The following RPGRIP1 variants were observed in gnomAD, a reference collection of about 807,000 sequenced individuals.
The protein encoded by RPGRIP1 is RPGR interacting protein 1, also known as X-linked retinitis pigmentosa GTPase regulator-interacting protein 1.
A neutral mutation model predicts 157.9 loss-of-function variants in RPGRIP1; 128 were observed. That is an observed-to-expected ratio of 0.81 (90% confidence interval 0.70 to 0.94). The LOEUF is 0.94. Among genes scored for constraint, RPGRIP1 ranks in the 40% least tolerant of loss-of-function variants. The probability of loss-of-function intolerance (pLI) is 0.00; values close to 1 mark genes in which losing one functional copy is unlikely to be tolerated. For synonymous variants in RPGRIP1, 554 were observed against 571.6 expected (o/e 0.97, Z 0.44); for missense variants, 1,486 against 1,545.8 (o/e 0.96, Z 0.65).
At chr14:21,338,870 G>A (rs1884678324) in intron 21 of RPGRIP1, among the ~76,000 whole-genome samples, 1 of 152,240 alleles carries the variant, frequency 6.6e-6, no homozygotes, top group Admixed American at 6.5e-5. Context: ...TGGGTGTGGT[G>A]GCTCACGCCT....
At chr14:21,284,549 T>TTA (rs1466509113) in intron 1 of RPGRIP1, among the ~76,000 whole-genome samples, 1 of 150,220 alleles carries the variant, frequency 6.7e-6, no homozygotes, top group Non-Finnish European at 1.5e-5. Context: ...AATTTTTTTT[T>TTA]TTTTTTTTTT....
chr14:21,300,850 T>C (rs1880994314), intron 3 of RPGRIP1, 116 bp from the exon 4 acceptor site: 2 of 1,208,540 alleles, frequency 1.7e-6, no homozygotes, highest in East Asian at 4.7e-5. Context: ...GTGTGGTTAA[T>C]AGATCACGGT....
At chr14:21,298,394 G>A (rs1240079183) in intron 3 of RPGRIP1, among the ~76,000 whole-genome samples, 1 of 151,972 alleles carries the variant, frequency 6.6e-6, no homozygotes, top group East Asian at 1.9e-4. Context: ...CAGCTACTCA[G>A]GAGGCTGAGG....
intron 10 of RPGRIP1, chr14:21,317,391 C>A: frequency 1.8e-6 from 1 of 562,272 alleles, no homozygotes; most frequent in Non-Finnish European, 3.1e-6. Flanking sequence ...GGTCTTGATA[C>A]ATAGTTCCCT....
At chr14:21,316,289 T>C (rs899584125) in intron 10 of RPGRIP1, among the ~76,000 whole-genome samples, 1 of 151,954 alleles carries the variant, frequency 6.6e-6, no homozygotes, top group Non-Finnish European at 1.5e-5. Flanking sequence ...TTTTTGTATT[T>C]TTAATGGAGA....
chr14:21,308,668 A>G (rs2139170353), intron 7 of RPGRIP1, among the ~76,000 whole-genome samples: 1 of 152,324 alleles, frequency 6.6e-6, no homozygotes, highest in African/African-American at 2.4e-5. Flanking sequence ...CGGAGAGTTT[A>G]ATAGGCAAGA....
At chr14:21,330,588 C>G (rs1428647825) in intron 20 of RPGRIP1, among the ~76,000 whole-genome samples, 13 of 152,112 alleles carry the variant, frequency 8.5e-5, no homozygotes, top group African/African-American at 2.7e-4. Flanking sequence ...ATTGCTTGAA[C>G]CCAGGAGGAG....
At chr14:21,303,189 T>C in intron 5 of RPGRIP1, 142 bp from the exon 6 acceptor site, 1 of 642,408 alleles carries the variant, frequency 1.6e-6, no homozygotes, top group South Asian at 2.0e-5. Flanking sequence ...TATGTTTTGT[T>C]TGACATTTGA....
intron 2 of RPGRIP1, among the ~76,000 whole-genome samples, chr14:21,290,762 T>TG (rs1188826506): frequency 6.7e-6 from 1 of 148,732 alleles, no homozygotes. Context: ...GTGCTTGCAG[T>TG]GAGCCGAGAT....
At chr14:21,327,962 A>C (rs1211260035) in intron 18 of RPGRIP1, among the ~76,000 whole-genome samples, 155 bp downstream of exon 18, 2 of 152,180 alleles carry the variant, frequency 1.3e-5, no homozygotes, top group African/African-American at 2.4e-5. Context: ...TGAGGTCAGG[A>C]GTTCAAGACC....
In RPGRIP1 at chr14:21,302,486, AG is replaced by A; in HGVS notation, c.492del. ...GTCTGCATCTTCTGTCTAAACTTTTAGGGCCAAGGGACAGGCTGAGCTACAC... is the reference window on the plus strand; with the variant it reads ...GTCTGCATCTTCTGTCTAAACTTTTAGGCCAAGGGACAGGCTGAGCTACAC... On this transcript the variant is annotated splice_acceptor_variant, in intron 4 of 24. Coordinates refer to ENST00000400017, the MANE Select transcript of RPGRIP1 (RefSeq NM_020366.4). LOFTEE classifies it high-confidence loss of function. 1 of 1,527,760 alleles carries A rather than the reference AG, an allele frequency of 6.5e-7. No homozygotes were observed. The highest frequency in any genetic ancestry group is 1.3e-5 in the South Asian group (1 of 76,872). 94.6% of individuals were successfully genotyped at this position (1,527,760 alleles called of 1,614,324 possible).
At chr14:21,331,849 T>C (rs1403329031) in intron 20 of RPGRIP1, among the ~76,000 whole-genome samples, 1 of 151,714 alleles carries the variant, frequency 6.6e-6, no homozygotes, top group Non-Finnish European at 1.5e-5. Flanking sequence ...AATATAAAGG[T>C]AGATATGGAA....
intron 14 of RPGRIP1, among the ~76,000 whole-genome samples, chr14:21,323,340 T>C (rs904683669): frequency 1.4e-4 from 21 of 151,884 alleles, no homozygotes; most frequent in African/African-American, 5.1e-4. Flanking sequence ...GAGAATCGCT[T>C]GAACCCGGGA....
intron 10 of RPGRIP1, among the ~76,000 whole-genome samples, chr14:21,313,944 CTTTTTTTTTT>C (rs537298482): frequency 2.9e-5 from 4 of 137,220 alleles, no homozygotes; most frequent in Non-Finnish European, 4.7e-5. Context: ...CACTTTTATT[CTTTTTTTTTT>C]TTTTTTCTCT....
rs756105202 is a variant in RPGRIP1 at position 21,324,766 on chromosome 14, G to A, written c.1911G>A (p.Leu637=). ...AACTGCACATCCACCAGGCCTTCCT[G>A]ACATCTGCCGCCCTAGCTCAGGCTG... ...LFELHIHQAF[L]TSAALAQAGD... is the part of the protein sequence containing the mutation. Residue 637 remains leucine, a synonymous_variant, in exon 15 of 25, where the codon CTG becomes CTA. Coordinates refer to ENST00000400017, the MANE Select transcript of RPGRIP1 (RefSeq NM_020366.4). 14 of 1,614,030 alleles carry A rather than the reference G, an allele frequency of 8.7e-6. No homozygotes were observed. The South Asian group carries it at 1.5e-4, about 18-fold the overall frequency.
chr14:21,315,655 G>A (rs1378257785), intron 10 of RPGRIP1, among the ~76,000 whole-genome samples: 2 of 151,972 alleles, frequency 1.3e-5, no homozygotes, highest in South Asian at 2.1e-4. Flanking sequence ...TATCCACTTC[G>A]ATAGACATTA....
intron 3 of RPGRIP1, among the ~76,000 whole-genome samples, chr14:21,295,957 A>T (rs566673327): frequency 6.6e-6 from 1 of 150,422 alleles, no homozygotes; most frequent in African/African-American, 2.5e-5. Flanking sequence ...TTGTTTTGAG[A>T]TGAAACCTCG....
At chr14:21,282,419 G>T (rs1880163885) in intron 1 of RPGRIP1, among the ~76,000 whole-genome samples, 1 of 151,526 alleles carries the variant, frequency 6.6e-6, no homozygotes, top group Non-Finnish European at 1.5e-5. Context: ...TTGTATTTTA[G>T]TAGAGACGGG....
intron 11 of RPGRIP1, 24 bp from the exon 12 acceptor site, chr14:21,319,993 C>T (rs1882218564): frequency 1.9e-6 from 3 of 1,593,260 alleles, no homozygotes; most frequent in Non-Finnish European, 1.7e-6. Flanking sequence ...CAGAATTTCA[C>T]ATTTCTGGAT....
Sources: gnomAD v4.1 joint callset for allele counts (sites outside exome capture counted in the v4.1 genomes callset) on GRCh38, gnomAD v4.1.1 for gene constraint, MANE v1.5 for transcripts, NCBI Gene and HGNC (gene_info 2026-07-23, HGNC 2026-07-21) for gene names.